TMEM87B: variants seen among roughly 807,000 people sequenced by gnomAD.
TMEM87B encodes transmembrane protein 87B.
TMEM87B carries 83 observed loss-of-function variants against 80.3 expected under a neutral mutation model. That is an observed-to-expected ratio of 1.03 (90% CI 0.87 to 1.24). The LOEUF (loss-of-function observed/expected upper bound fraction) is 1.24. Ranked by LOEUF, TMEM87B falls within the 50% of genes most tolerant of loss-of-function variation. The pLI, the probability that TMEM87B is intolerant of heterozygous loss-of-function variation, is 0.00. For missense variants in TMEM87B, 625 were observed against 674.4 expected (o/e 0.93, Z 0.81); for synonymous variants, 219 against 230.5 (o/e 0.95, Z 0.45).
At position 112,081,342 on chromosome 2, in the gene TMEM87B, T is replaced by A; in HGVS notation, c.662T>A (p.Met221Lys). The change falls in exon 8 of 19, where the codon ATG becomes AAG. Residue 221 changes from methionine to lysine, a missense_variant. Transcript: ENST00000283206. The part of the protein sequence containing the change: ...ASDWPLMIFY[M>K]VMCIVYILYG... ...TTGCTTCTCTTCCTACAGTTTTACA[T>A]GGTGATGTGTATTGTTTATATATTA... The A allele has an allele frequency of 6.3e-7, 1 of 1,594,282 alleles. No individual in the cohort carries two copies. The highest frequency in any genetic ancestry group is 8.5e-7 in the Non-Finnish European group (1 of 1,173,400).
rs1448252122 is a variant in TMEM87B at position 112,119,166 on chromosome 2, T to C, written c.*3023T>C. Reference sequence around the variant, plus strand: ...TTTAGGCATTTAAGAACTTGTATTTTTCTATTTTAAAAAGTTAAATTATTC... The same window carrying C: ...TTTAGGCATTTAAGAACTTGTATTTCTCTATTTTAAAAAGTTAAATTATTC... On this transcript the variant is annotated 3_prime_UTR_variant, in exon 19 of 19. Transcript: ENST00000283206. The C allele has an allele frequency of 2.0e-5, 3 of 152,214 alleles. No individual in the cohort carries two copies. The highest frequency in any genetic ancestry group is 2.9e-5 in the Non-Finnish European group (2 of 68,012). The allele number at this position is 152,214 out of a possible 1,614,324, so 9.4% of individuals were successfully genotyped here.
At chr2:112,102,713 T>TA (rs1461935754) in intron 15 of TMEM87B, among the ~76,000 whole-genome samples, 1 of 148,930 alleles carries the variant, frequency 6.7e-6, no homozygotes, top group East Asian at 2.0e-4. Flanking sequence ...TAAATAAAAA[T>TA]AAAAATAAAA....
chr2:112,056,219 G>C (rs1678054014), intron 1 of TMEM87B, among the ~76,000 whole-genome samples: 1 of 151,388 alleles, frequency 6.6e-6, no homozygotes, highest in Admixed American at 6.6e-5. Flanking sequence ...CGGGTCTGCC[G>C]CTTCCTTAAA....
At chr2:112,055,872 C>T (rs536582197) in intron 1 of TMEM87B, 116 bp downstream of exon 1, 2 of 1,276,708 alleles carry the variant, frequency 1.6e-6, no homozygotes, top group Admixed American at 3.8e-5. Flanking sequence ...CACCGGGTCC[C>T]CTGATACCCT....
intron 2 of TMEM87B, 90 bp downstream of exon 2, chr2:112,060,127 C>T: frequency 7.5e-7 from 1 of 1,340,538 alleles, no homozygotes; most frequent in Non-Finnish European, 9.8e-7. Flanking sequence ...GCAGGTGGAT[C>T]ACAAGGTCGG....
At chr2:112,101,074 C>T (rs116450329) in intron 15 of TMEM87B, among the ~76,000 whole-genome samples, 1 of 152,258 alleles carries the variant, frequency 6.6e-6, no homozygotes, top group African/African-American at 2.4e-5. Flanking sequence ...ATGCTGAAAG[C>T]ATTTCTACTT....
intron 15 of TMEM87B, among the ~76,000 whole-genome samples, chr2:112,101,197 A>G (rs1679621024): frequency 6.6e-6 from 1 of 152,166 alleles, no homozygotes; most frequent in Non-Finnish European, 1.5e-5. Context: ...TCAATAAGTA[A>G]CTCAGATGTT....
At chr2:112,064,005 C>G (rs928178160) in intron 2 of TMEM87B, among the ~76,000 whole-genome samples, 157 bp from the exon 3 acceptor site, 1 of 152,180 alleles carries the variant, frequency 6.6e-6, no homozygotes, top group Non-Finnish European at 1.5e-5. Flanking sequence ...ATGAATTTAT[C>G]TGTCTCACTT....
intron 8 of TMEM87B, 42 bp from the exon 9 acceptor site, chr2:112,085,963 A>G: frequency 2.6e-6 from 4 of 1,548,996 alleles, no homozygotes; most frequent in South Asian, 2.3e-5. Flanking sequence ...GCAGGCTTCC[A>G]GGTGTAGACA....
chr2:112,088,921 G>A (rs1679225044), intron 9 of TMEM87B, among the ~76,000 whole-genome samples: 1 of 151,922 alleles, frequency 6.6e-6, no homozygotes, highest in South Asian at 2.1e-4. Context: ...ACCACCCCCG[G>A]CTAATTGTTT....
intron 1 of TMEM87B, among the ~76,000 whole-genome samples, chr2:112,057,920 CG>C (rs1160404783): frequency 1.3e-5 from 2 of 151,140 alleles, no homozygotes; most frequent in African/African-American, 4.9e-5. Flanking sequence ...TTCCACCTCC[CG>C]GGTTCAGGGG....
Position 112,091,800 on chromosome 2 carries a change from C to G in TMEM87B, c.1104+17C>G. On this transcript the variant is annotated intron_variant, in intron 11 of 18. Transcript: ENST00000283206. Reference sequence around the variant, plus strand: ...GTGTGGTTCATATCCTTTACTGTGTCCTTCAAAATAGTTTGTTGTATCATG... The same window carrying G: ...GTGTGGTTCATATCCTTTACTGTGTGCTTCAAAATAGTTTGTTGTATCATG... 10 of 1,557,234 alleles carry G rather than the reference C, an allele frequency of 6.4e-6. No homozygotes were observed. Among genetic ancestry groups the G allele is most frequent in the Non-Finnish European group, 8.8e-6 (10 of 1,137,420 alleles).
intron 2 of TMEM87B, among the ~76,000 whole-genome samples, chr2:112,063,676 A>AGGT (rs1224231451): frequency 2.6e-5 from 4 of 152,210 alleles, no homozygotes; most frequent in African/African-American, 9.7e-5. Context: ...GGGCTATGAT[A>AGGT]GGTGACCTGC....
intron 6 of TMEM87B, among the ~76,000 whole-genome samples, chr2:112,080,667 C>T (rs1323110613): frequency 6.6e-6 from 1 of 152,156 alleles, no homozygotes; most frequent in Non-Finnish European, 1.5e-5. Context: ...AATTTTATCT[C>T]CCAGTACCTA....
At chr2:112,068,963 C>T (rs535229190) in intron 4 of TMEM87B, among the ~76,000 whole-genome samples, 82 of 151,810 alleles carry the variant, frequency 5.4e-4, no homozygotes, top group African/African-American at 1.7e-3. Flanking sequence ...GAGGCCGAGG[C>T]GGGTGGATCT....
At chr2:112,099,360 A>G (rs2104496971) in intron 14 of TMEM87B, among the ~76,000 whole-genome samples, 1 of 152,190 alleles carries the variant, frequency 6.6e-6, no homozygotes, top group Non-Finnish European at 1.5e-5. Flanking sequence ...TTTGAATTTC[A>G]GATTTTCAGA....
rs115567010 is a variant in TMEM87B, at chr2:112,106,353, C to A, written c.1524+278C>A. Reference sequence around the variant, plus strand: ...CTTGTTAGAGATGCAGAGTCTCAGGCCTACCCCGGACGCTCCTGAATTGGA... The same window carrying A: ...CTTGTTAGAGATGCAGAGTCTCAGGACTACCCCGGACGCTCCTGAATTGGA... On this transcript the variant is annotated intron_variant, in intron 16 of 18. Coordinates refer to ENST00000283206, the MANE Select transcript of TMEM87B (RefSeq NM_032824.3). 5.4e-3 allele frequency among the ~76,000 whole-genome samples: 828 copies of A among 152,252 alleles called. 7 individuals are homozygous for A. The highest frequency in any genetic ancestry group is 0.018 in the African/African-American group (732 of 41,544).
Position 112,089,668 on chromosome 2 carries a change from CTTCTATACT to C in TMEM87B, c.984_992del (p.Leu329_Leu331del). ...CATGCACCGGGTGATCGGACTGGGGCTTCTATACTTAATCTTTGCAGCTGTTGAAGGCGT... is the reference window on the plus strand; with the variant it reads ...CATGCACCGGGTGATCGGACTGGGGCTAATCTTTGCAGCTGTTGAAGGCGT... On this transcript the variant is annotated inframe_deletion, in exon 10 of 19. Coordinates refer to ENST00000283206, the MANE Select transcript of TMEM87B (RefSeq NM_032824.3). The C allele has an allele frequency of 6.2e-7, 1 of 1,614,132 alleles. No individual in the cohort carries two copies. Among genetic ancestry groups the C allele is most frequent in the Non-Finnish European group, 8.5e-7 (1 of 1,179,996 alleles).
Position 112,116,328 on chromosome 2 carries a change from A to T in TMEM87B, c.*185A>T, listed in dbSNP as rs1166216469. The T allele has an allele frequency of 1.9e-6, 1 of 535,046 alleles. No homozygotes were observed. Among genetic ancestry groups the T allele is most frequent in the African/African-American group, 1.9e-5 (1 of 52,408 alleles). The allele number at this position is 535,046 out of a possible 1,614,324, so 33.1% of individuals were successfully genotyped here. On this transcript the variant is annotated 3_prime_UTR_variant, in exon 19 of 19. Coordinates refer to ENST00000283206, the MANE Select transcript of TMEM87B (RefSeq NM_032824.3). ...CTTTTAAAGCTGACTCTTGAGTGTC[A>T]GTTGAATATCCATTAAATTGGATTT...
Sources: allele counts gnomAD v4.1 joint callset (sites outside exome capture counted in the v4.1 genomes callset), GRCh38; gene constraint gnomAD v4.1.1; transcripts MANE v1.5; gene names NCBI Gene and HGNC (gene_info 2026-07-23, HGNC 2026-07-21).